Variants in DCLK2 observed in about 807,000 individuals in gnomAD.
The protein encoded by DCLK2 is doublecortin like kinase 2, also known as serine/threonine-protein kinase DCLK2.
In DCLK2, 31 loss-of-function variants were observed where a neutral mutation model predicts 78.4. The observed-to-expected ratio is 0.40, with a 90% CI of 0.30 to 0.53. The LOEUF is 0.53. Among genes scored for constraint, DCLK2 ranks in the 20% least tolerant of loss-of-function variants. DCLK2 has a pLI of 0.61. For synonymous variants in DCLK2, 407 were observed against 374.9 expected (o/e 1.09, Z -0.99); for missense variants, 872 against 973.7 (o/e 0.90, Z 1.39).
chr4:150,106,474 G>C (rs540463534), intron 2 of DCLK2, among the ~76,000 whole-genome samples: 2 of 152,346 alleles, frequency 1.3e-5, no homozygotes, highest in African/African-American at 4.8e-5. Flanking sequence ...AAAGGAATGA[G>C]AAAGGAACTA....
chr4:150,145,383 T>G (rs1298125362), intron 2 of DCLK2, among the ~76,000 whole-genome samples: 2 of 152,186 alleles, frequency 1.3e-5, no homozygotes, highest in Non-Finnish European at 2.9e-5. Flanking sequence ...TTTTCTTACA[T>G]GTAAAAGATG....
At chr4:150,104,026 T>A (rs1731061995) in intron 2 of DCLK2, among the ~76,000 whole-genome samples, 1 of 151,824 alleles carries the variant, frequency 6.6e-6, no homozygotes, top group African/African-American at 2.4e-5. Flanking sequence ...ATTTGACAAA[T>A]CAAATAGTTG....
chr4:150,149,075 G>A (rs1048938230), intron 2 of DCLK2, among the ~76,000 whole-genome samples: 1 of 149,158 alleles, frequency 6.7e-6, no homozygotes. Flanking sequence ...TGGAGACCAT[G>A]GATACCTGAA....
At chr4:150,203,003 A>G (rs1278951456) in intron 4 of DCLK2, among the ~76,000 whole-genome samples, 2 of 152,194 alleles carry the variant, frequency 1.3e-5, no homozygotes, top group Non-Finnish European at 2.9e-5. Flanking sequence ...GTTATTTTTT[A>G]AATTTCCAAA....
rs1182624672 is a variant in DCLK2 at position 150,079,209 on chromosome 4, C to T, written c.182C>T (p.Thr61Ile). ...CACTGCAGCTTCTACCGCACGCGGA[C>T]CCTGCAGGCCCTCAGCTCGGAGAAG... The part of the protein sequence containing the change: ...SAHCSFYRTR[T>I]LQALSSEKKA... Residue 61 changes from threonine (T) to isoleucine (I), a missense_variant, in exon 1 of 16, where the codon ACC (threonine) becomes ATC (isoleucine). Transcript: ENST00000296550. 1 of 1,611,794 alleles carries T rather than the reference C, an allele frequency of 6.2e-7. No homozygotes were observed. The highest frequency in any genetic ancestry group is 8.5e-7 in the Non-Finnish European group (1 of 1,179,064).
intron 10 of DCLK2, among the ~76,000 whole-genome samples, chr4:150,238,895 A>G (rs1048519932): frequency 2.0e-5 from 3 of 152,106 alleles, no homozygotes; most frequent in Non-Finnish European, 2.9e-5. Context: ...GTTTTCCCCT[A>G]TATCATATTT....
chr4:150,240,778 A>G (rs534428835), intron 12 of DCLK2, among the ~76,000 whole-genome samples: 43 of 151,196 alleles, frequency 2.8e-4, no homozygotes, highest in South Asian at 1.0e-3. Context: ...AGAAAAAAAA[A>G]AATCAGAAAA....
At chr4:150,173,412 TAAGAC>T (rs910191387) in intron 2 of DCLK2, among the ~76,000 whole-genome samples, 11 of 152,096 alleles carry the variant, frequency 7.2e-5, no homozygotes, top group African/African-American at 2.7e-4. Context: ...TGAAGCATAA[TAAGAC>T]AAAGAGCAGA....
chr4:150,193,025 T>G, intron 2 of DCLK2, 113 bp from the exon 3 acceptor site: 1 of 662,216 alleles, frequency 1.5e-6, no homozygotes. Flanking sequence ...ATTACACAGC[T>G]TTCTCTTCCA....
At chr4:150,219,285 T>TA (rs1553970828) in intron 5 of DCLK2, among the ~76,000 whole-genome samples, 6 of 144,346 alleles carry the variant, frequency 4.2e-5, no homozygotes, top group African/African-American at 1.6e-4. Flanking sequence ...TTTTTTTTTT[T>TA]AAGAAGGAGT....
At chr4:150,137,868 A>G (rs769713168) in intron 2 of DCLK2, among the ~76,000 whole-genome samples, 1 of 152,248 alleles carries the variant, frequency 6.6e-6, no homozygotes, top group Non-Finnish European at 1.5e-5. Context: ...ATCCCACTCC[A>G]TAACTAAGTA....
At chr4:150,212,313 A>G (rs1286205714) in intron 5 of DCLK2, among the ~76,000 whole-genome samples, 2 of 152,232 alleles carry the variant, frequency 1.3e-5, no homozygotes, top group African/African-American at 2.4e-5. Flanking sequence ...GGCTGGTAGT[A>G]TCTCATCCTG....
chr4:150,103,845 A>G (rs557505824), intron 2 of DCLK2, among the ~76,000 whole-genome samples: 1 of 151,514 alleles, frequency 6.6e-6, no homozygotes, highest in East Asian at 1.9e-4. Context: ...TTAGAATAAC[A>G]TTTCTAATTA....
In DCLK2 at chr4:150,193,170, C is replaced by T. The variant is rs561764707; in HGVS notation, c.789C>T (p.Asp263=). The T allele has an allele frequency of 2.1e-5, 33 of 1,609,390 alleles. No individual in the cohort carries two copies. The highest frequency in any genetic ancestry group is 1.3e-4 in the Admixed American group (8 of 59,908). Residue 263 remains aspartate, a synonymous_variant, in exon 3 of 16, where the codon GAC becomes GAT. Coordinates refer to ENST00000296550, the MANE Select transcript of DCLK2 (RefSeq NM_001040260.4). The stretch of plus-strand genomic sequence containing the variant: ...GTCTGCAAGACTTTTTTGGTGATGA[C>T]GATGTTTTTATTGCATGTGGACCAG... ...VTCLQDFFGD[D]DVFIACGPEK...
At chr4:150,206,569 A>G (rs1469813351) in intron 5 of DCLK2, among the ~76,000 whole-genome samples, 2 of 152,166 alleles carry the variant, frequency 1.3e-5, no homozygotes, top group South Asian at 4.1e-4. Flanking sequence ...TATCTGTAAA[A>G]CAAGACTTTT....
chr4:150,193,099 G>T (rs1184029882), intron 2 of DCLK2, 39 bp from the exon 3 acceptor site: 1 of 1,230,936 alleles, frequency 8.1e-7, no homozygotes, highest in Admixed American at 1.7e-5. Flanking sequence ...CACTTCTAAT[G>T]TGTCTAATTT....
chr4:150,233,888 G>A (rs551848499), intron 10 of DCLK2, among the ~76,000 whole-genome samples: 1 of 152,280 alleles, frequency 6.6e-6, no homozygotes, highest in African/African-American at 2.4e-5. Context: ...CCACGTTATA[G>A]AAGAATTTTA....
rs192353815 is a variant in DCLK2 at position 150,143,554 on chromosome 4, T to G, written c.756+40742T>G. 1.1e-4 allele frequency among the ~76,000 whole-genome samples: 17 copies of G among 152,338 alleles called. No individual in the cohort carries two copies. The East Asian group carries it at 3.3e-3, about 29-fold the overall frequency. On this transcript the variant is annotated intron_variant, in intron 2 of 15. Transcript: ENST00000296550. ...TTTAATATAATGATTTTTTTTCCTT[T>G]GGATAGACATCTGATAGTGAGATTG...
intron 2 of DCLK2, among the ~76,000 whole-genome samples, chr4:150,161,569 C>G (rs1321518098): frequency 6.6e-6 from 1 of 152,108 alleles, no homozygotes; most frequent in Non-Finnish European, 1.5e-5. Flanking sequence ...AATACAGTAA[C>G]TCACAGAAGA....
Sources: allele counts gnomAD v4.1 joint callset (sites outside exome capture counted in the v4.1 genomes callset), GRCh38; gene constraint gnomAD v4.1.1; transcripts MANE v1.5; gene names NCBI Gene and HGNC (gene_info 2026-07-23, HGNC 2026-07-21).